The following GSG1L2 variants were observed in gnomAD, a reference collection of about 807,000 sequenced individuals.
GSG1L2 encodes the protein GSG1 like 2.
Under a neutral mutation model 9.0 loss-of-function variants are expected in GSG1L2, and 15 were observed. The ratio of observed to expected loss-of-function variants is 1.67; its 90% CI spans 1.12 to 2.57. GSG1L2 has a LOEUF of 2.57. GSG1L2 is among the 30% of genes most tolerant of loss of function. The pLI is 0.00. For synonymous variants in GSG1L2, 127 were observed against 57.9 expected, an observed-to-expected ratio of 2.19 and a Z score of -5.41; for missense variants, 286 against 150.3, an observed-to-expected ratio of 1.90 and a Z score of -4.72.
chr17:9,816,594 CTG>C (rs545536736), intron 1 of GSG1L2, among the ~76,000 whole-genome samples: 21,044 of 109,646 alleles, frequency 0.19, 1,742 homozygotes, highest in East Asian at 0.5. Flanking sequence ...ACGTGCGTGT[CTG>C]TGTGTCTGTG....
chr17:9,808,456 G>A (rs2066524426), intron 3 of GSG1L2, among the ~76,000 whole-genome samples: 1 of 152,142 alleles, frequency 6.6e-6, no homozygotes, highest in Non-Finnish European at 1.5e-5. Context: ...TCTTAGAGAA[G>A]TAACTTGCCT....
chr17:9,807,767 T>C (rs1479424761), intron 3 of GSG1L2, 166 bp from the exon 4 acceptor site: 11 of 586,324 alleles, frequency 1.9e-5, no homozygotes, highest in East Asian at 8.8e-5. Flanking sequence ...TTTCCCACAA[T>C]TGAAACTGAA....
intron 4 of GSG1L2, chr17:9,804,355 C>T (rs1321338873): frequency 6.6e-6 from 1 of 152,192 alleles, no homozygotes; most frequent in East Asian, 1.9e-4. Context: ...CTCCCTTTCC[C>T]CCAGAAAAGC....
chr17:9,813,473 AG>A (rs2066547087), intron 1 of GSG1L2, among the ~76,000 whole-genome samples: 1 of 152,238 alleles, frequency 6.6e-6, no homozygotes, highest in Admixed American at 6.5e-5. Context: ...GGGCAGCCAC[AG>A]CGGCCTCTGC....
chr17:9,803,095 C>CAA (rs768419626), intron 4 of GSG1L2, among the ~76,000 whole-genome samples: 4 of 138,886 alleles, frequency 2.9e-5, no homozygotes, highest in Non-Finnish European at 6.1e-5. Flanking sequence ...GCATTGGTGT[C>CAA]ATTACTTTTT....
chr17:9,818,731 G>A (rs1213209125), intron 1 of GSG1L2, among the ~76,000 whole-genome samples: 2 of 151,884 alleles, frequency 1.3e-5, no homozygotes, highest in Non-Finnish European at 1.5e-5. Flanking sequence ...ACTATTCGTG[G>A]TAAATCCACC....
chr17:9,808,009 C>T (rs115009219), intron 3 of GSG1L2: 1,612 of 159,912 alleles, frequency 0.01, 28 homozygotes, highest in African/African-American at 0.035. Flanking sequence ...CTGGGGGGAC[C>T]TCTGATTGAG....
chr17:9,811,979 GTCACTTA>G (rs55847131), intron 1 of GSG1L2, among the ~76,000 whole-genome samples: 15,138 of 151,690 alleles, frequency 0.1, 965 homozygotes, highest in African/African-American at 0.17. Flanking sequence ...CCAACCAATA[GTCACTTA>G]TCACTTATCA....
chr17:9,816,687 CT>C (rs2066565521), intron 1 of GSG1L2, among the ~76,000 whole-genome samples: 1 of 124,636 alleles, frequency 8.0e-6, no homozygotes. Flanking sequence ...GTGTGTGTGT[CT>C]GTGTATGTGT....
Position 9,802,195 on chromosome 17 carries a change from T to C in GSG1L2, c.*191A>G, listed in dbSNP as rs1314017034. 6.6e-6 allele frequency among the ~76,000 whole-genome samples: 1 copy of C among 152,190 alleles called. No homozygotes were observed. Among genetic ancestry groups the C allele is most frequent in the Non-Finnish European group, 1.5e-5 (1 of 68,022 alleles). Reference sequence around the variant, plus strand: ...CAGTAAGCATTATCTCACTTCAAGGTACTGGCATTTTAACAGGAATCAAAG... The same window carrying C: ...CAGTAAGCATTATCTCACTTCAAGGCACTGGCATTTTAACAGGAATCAAAG... On this transcript the variant is annotated 3_prime_UTR_variant, in exon 5 of 5. Transcript: ENST00000399363.
chr17:9,802,401 C>T lies in GSG1L2; in HGVS notation c.867G>A (p.Lys289=), dbSNP rs2066500209. 3 of 669,034 alleles carry T rather than the reference C, an allele frequency of 4.5e-6. No homozygotes were observed. The highest frequency in any genetic ancestry group is 8.2e-6 in the Non-Finnish European group (3 of 367,476). The allele number at this position is 669,034 out of a possible 1,614,324, so 41.4% of individuals were successfully genotyped here. A position where few individuals can be genotyped will look rare whatever the true frequency, so the allele number is the denominator to read the frequency against. Residue 289 remains lysine (K), a synonymous_variant, in exon 5 of 5, where the codon AAG becomes AAA. Transcript: ENST00000399363. Reference sequence around the variant, plus strand: ...TGGACACTGGCTAGCATATGGACACCTTGCCTGGGGCGCCTGGTGGGAGGT... The same window carrying T: ...TGGACACTGGCTAGCATATGGACACTTTGCCTGGGGCGCCTGGTGGGAGGT... ...SGHLPPGAPG[K]VSIC
intron 1 of GSG1L2, among the ~76,000 whole-genome samples, chr17:9,815,113 T>C (rs1014102095): frequency 2.6e-5 from 4 of 151,930 alleles, no homozygotes; most frequent in Non-Finnish European, 4.4e-5. Flanking sequence ...GGTGGCTGGG[T>C]GCGGTGGCTC....
intron 1 of GSG1L2, among the ~76,000 whole-genome samples, chr17:9,816,765 G>GTGTC (rs2066566576): frequency 7.9e-5 from 3 of 37,994 alleles, no homozygotes; most frequent in African/African-American, 3.2e-4. Context: ...ATCTGTGTCT[G>GTGTC]TGTGTGCGTG....
intron 1 of GSG1L2, among the ~76,000 whole-genome samples, chr17:9,813,664 G>A (rs1400206720): frequency 6.6e-6 from 1 of 152,292 alleles, no homozygotes; most frequent in Non-Finnish European, 1.5e-5. Flanking sequence ...AGAACTCGGG[G>A]GCTGATGCAG....
chr17:9,810,415 G>T, intron 2 of GSG1L2, 156 bp downstream of exon 2: 1 of 622,316 alleles, frequency 1.6e-6, no homozygotes, highest in Non-Finnish European at 2.9e-6. Context: ...TGGCTATAGG[G>T]CACAGGAAGA....
intron 1 of GSG1L2, among the ~76,000 whole-genome samples, chr17:9,816,779 G>A (rs201300032): frequency 1.3e-5 from 2 of 148,744 alleles, no homozygotes; most frequent in East Asian, 2.0e-4. Flanking sequence ...GTGCGTGTGT[G>A]TCTGTGTGTG....
rs908069104 is a variant in GSG1L2, at chr17:9,808,875, A to C, written c.466T>G (p.Trp156Gly). The C allele has an allele frequency of 1.8e-5, 13 of 703,006 alleles. No homozygotes were observed. The African/African-American group carries it at 2.3e-4, about 12-fold the overall frequency. The allele number at this position is 703,006 out of a possible 1,614,324, so 43.5% of individuals were successfully genotyped here. Residue 156 changes from tryptophan (W) to glycine (G), a missense_variant, in exon 3 of 5, where the codon TGG becomes GGG. Physicochemically the swap from Trp to Gly is radical, Grantham distance 184. Coordinates refer to ENST00000399363, the MANE Select transcript of GSG1L2 (RefSeq NM_001310219.2). Reference protein sequence around the residue: ...RVSCRSPGFHWLRVDALVAIF... With the variant: ...RVSCRSPGFHGLRVDALVAIF... Reference sequence around the variant, plus strand: ...GCTACCAAGGCATCCACCCTGAGCCAGTGGAACCCAGGGCTGCGACAACTC... The same window carrying C: ...GCTACCAAGGCATCCACCCTGAGCCCGTGGAACCCAGGGCTGCGACAACTC...
At chr17:9,804,823 G>A (rs1173958607) in intron 4 of GSG1L2, 3 of 152,062 alleles carry the variant, frequency 2.0e-5, no homozygotes, top group Non-Finnish European at 4.4e-5. Context: ...AGCAGGGAGG[G>A]GAAAGAATTC....
At chr17:9,803,163 GCA>G (rs879360691) in intron 4 of GSG1L2, among the ~76,000 whole-genome samples, 14,104 of 145,286 alleles carry the variant, frequency 0.097, 811 homozygotes, top group South Asian at 0.15. Context: ...GAGTGCAATG[GCA>G]TGATCTTGGC....
Sources: allele counts gnomAD v4.1 joint callset (sites outside exome capture counted in the v4.1 genomes callset), GRCh38; gene constraint gnomAD v4.1.1; transcripts MANE v1.5; gene names NCBI Gene and HGNC (gene_info 2026-07-23, HGNC 2026-07-21).